The following RYR2 variants were observed in gnomAD, a reference collection of about 807,000 sequenced individuals.
RYR2 encodes the protein cardiac muscle ryanodine receptor-calcium release channel.
A neutral mutation model predicts 601.1 loss-of-function variants in RYR2; 227 were observed. That is an observed-to-expected ratio of 0.38 (90% CI 0.34 to 0.42). RYR2 has a LOEUF of 0.42. RYR2 is among the 10% of genes least tolerant of loss of function. The pLI is 1.00. For synonymous variants in RYR2, 2,223 were observed against 2,175.1 expected, an observed-to-expected ratio of 1.02 and a Z score of -0.61; for missense variants, 4,646 against 6,156.5, an observed-to-expected ratio of 0.75 and a Z score of 8.21.
chr1:237,660,675 T>C (rs1024968521), intron 55 of RYR2, 135 bp from the exon 56 acceptor site: 1 of 751,758 alleles, frequency 1.3e-6, no homozygotes, highest in Admixed American at 3.5e-5. Context: ...TTTACTTTCC[T>C]TTTTATATTT....
intron 59 of RYR2, 22 bp from the exon 60 acceptor site, chr1:237,674,709 A>G: frequency 6.9e-7 from 1 of 1,447,946 alleles, no homozygotes; most frequent in Non-Finnish European, 9.7e-7. Context: ...TTGCTTTCCC[A>G]TTTTCATTTT....
intron 1 of RYR2, among the ~76,000 whole-genome samples, chr1:237,228,842 CTTCCTTT>C (rs1684674593): frequency 6.6e-6 from 1 of 152,152 alleles, no homozygotes; most frequent in Admixed American, 6.6e-5. Context: ...GCCAAATTCT[CTTCCTTT>C]TCATGGTTTT....
chr1:237,618,513 T>A lies in RYR2; in HGVS notation c.5916+1027T>A, dbSNP rs182842791. Among the ~76,000 whole-genome samples, 91 of 152,262 alleles carry A rather than the reference T, an allele frequency of 6.0e-4. 1 individual carries two copies. In the East Asian group the frequency reaches 0.017, roughly 28 times the overall value. On this transcript the variant is annotated intron_variant, in intron 38 of 104. Coordinates refer to ENST00000366574, the MANE Select transcript of RYR2 (RefSeq NM_001035.3). ...GGTGGTGAGTTCCCTGGATTTTCTTTTTGCCTCATCTATCCCAGATTTGAA... is the reference window on the plus strand; with the variant it reads ...GGTGGTGAGTTCCCTGGATTTTCTTATTGCCTCATCTATCCCAGATTTGAA...
chr1:237,509,674 T>C (rs1466716983), intron 23 of RYR2, among the ~76,000 whole-genome samples: 1 of 152,254 alleles, frequency 6.6e-6, no homozygotes, highest in Non-Finnish European at 1.5e-5. Flanking sequence ...GTATTATGTT[T>C]GCCTTCTTGG....
At chr1:237,762,343 G>A (rs1016462437) in intron 84 of RYR2, among the ~76,000 whole-genome samples, 11 of 151,994 alleles carry the variant, frequency 7.2e-5, no homozygotes, top group Non-Finnish European at 2.9e-5. Flanking sequence ...CAGATCTCAG[G>A]GCCTATCACC....
chr1:237,667,858 C>T (rs185427950), intron 57 of RYR2, 25 bp from the exon 58 acceptor site: 532 of 1,509,604 alleles, frequency 3.5e-4, no homozygotes, highest in South Asian at 7.7e-4. Context: ...CTTATTGAAA[C>T]GATAAATATT....
At chr1:237,418,624 G>T (rs1341852358) in intron 11 of RYR2, among the ~76,000 whole-genome samples, 1 of 152,110 alleles carries the variant, frequency 6.6e-6, no homozygotes, top group African/African-American at 2.4e-5. Context: ...AAGTAATGCT[G>T]TGGTTTAATA....
intron 2 of RYR2, among the ~76,000 whole-genome samples, chr1:237,281,141 G>A (rs936475855): frequency 6.6e-6 from 1 of 152,128 alleles, no homozygotes; most frequent in Non-Finnish European, 1.5e-5. Flanking sequence ...GTAGAGTGGT[G>A]ACACAAAGGG....
chr1:237,222,250 T>C (rs1683876597), intron 1 of RYR2, among the ~76,000 whole-genome samples: 1 of 151,902 alleles, frequency 6.6e-6, no homozygotes, highest in Admixed American at 6.6e-5. Context: ...CCATCTCTAC[T>C]AAAATACAAA....
At chr1:237,666,881 G>C (rs905968881) in intron 57 of RYR2, among the ~76,000 whole-genome samples, 2 of 151,712 alleles carry the variant, frequency 1.3e-5, no homozygotes, top group African/African-American at 4.8e-5. Context: ...CTGCACTCCA[G>C]CCTGAGTGAC....
At chr1:237,438,428 GT>G (rs1707601395) in intron 12 of RYR2, among the ~76,000 whole-genome samples, 1 of 152,212 alleles carries the variant, frequency 6.6e-6, no homozygotes, top group Non-Finnish European at 1.5e-5. Flanking sequence ...TGAATTTCAA[GT>G]TTTTTTCTGA....
chr1:237,459,317 G>T (rs1398371827), intron 16 of RYR2, among the ~76,000 whole-genome samples: 1 of 152,140 alleles, frequency 6.6e-6, no homozygotes, highest in Admixed American at 6.5e-5. Context: ...GGATGCATTG[G>T]CTCATGTGTG....
At chr1:237,288,380 T>C (rs182280291) in intron 2 of RYR2, among the ~76,000 whole-genome samples, 85 of 152,092 alleles carry the variant, frequency 5.6e-4, no homozygotes, top group African/African-American at 1.8e-3. Context: ...GCTCCCAAGA[T>C]TATATGTCCT....
chr1:237,343,530 A>AT (rs897493257), intron 3 of RYR2, among the ~76,000 whole-genome samples: 156 of 150,458 alleles, frequency 1.0e-3, no homozygotes, highest in African/African-American at 3.0e-3. Context: ...TCAATAAGTG[A>AT]TTTTTTTTTT....
Position 237,500,801 on chromosome 1 carries a change from G to A in RYR2, c.2294G>A (p.Ser765Asn), listed in dbSNP as rs764934687. 6.2e-7 allele frequency: 1 copy of A among 1,613,968 alleles called. No homozygotes were observed. The highest frequency in any genetic ancestry group is 2.2e-5 in the East Asian group (1 of 44,888). The change falls in exon 21 of 105, where the codon AGC becomes AAC. Residue 765 changes from serine (S) to asparagine (N), a missense_variant. Coordinates refer to ENST00000366574, the MANE Select transcript of RYR2 (RefSeq NM_001035.3). ...TGCTGTTTAGATCTGAGTGCCCCAA[G>A]CATCTCGTTCCGAATTAATGGACAA... Reference protein sequence around the residue: ...ISCCLDLSAPSISFRINGQPV... With the variant: ...ISCCLDLSAPNISFRINGQPV...
rs1664080377 is a variant in RYR2, at chr1:237,833,746, C to T, written c.*1099C>T. The T allele has an allele frequency of 6.6e-6, 1 of 152,564 alleles. No individual in the cohort carries two copies. Among genetic ancestry groups the T allele is most frequent in the African/African-American group, 2.4e-5 (1 of 41,436 alleles). 9.5% of individuals were successfully genotyped at this position (152,564 alleles called of 1,614,324 possible). A position where few individuals can be genotyped will look rare whatever the true frequency, so the allele number is the denominator to read the frequency against. On this transcript the variant is annotated 3_prime_UTR_variant, in exon 105 of 105. Coordinates refer to ENST00000366574, the MANE Select transcript of RYR2 (RefSeq NM_001035.3). ...TTCTTGTCAGGCCATTTTTTAATAT[C>T]AAAGCTGAAGCAATATCCATTCAGG... is the stretch of plus-strand genomic sequence containing the variant.
intron 1 of RYR2, among the ~76,000 whole-genome samples, chr1:237,107,758 G>C (rs117007090): frequency 6.6e-6 from 1 of 152,028 alleles, no homozygotes; most frequent in African/African-American, 2.4e-5. Context: ...AGATGCTTTG[G>C]GGCATTCCCT....
intron 2 of RYR2, among the ~76,000 whole-genome samples, chr1:237,273,354 A>G (rs1689904162): frequency 2.0e-5 from 3 of 152,186 alleles, no homozygotes. Context: ...GTACATACAG[A>G]TGAAGCTTGC....
chr1:237,383,675 C>T (rs549756539), intron 8 of RYR2, among the ~76,000 whole-genome samples: 12 of 151,992 alleles, frequency 7.9e-5, no homozygotes, highest in South Asian at 2.1e-4. Flanking sequence ...GTGATCTGCC[C>T]GCCTTGGCCT....
Sources: allele counts gnomAD v4.1 joint callset (sites outside exome capture counted in the v4.1 genomes callset), GRCh38; gene constraint gnomAD v4.1.1; transcripts MANE v1.5; gene names NCBI Gene and HGNC (gene_info 2026-07-23, HGNC 2026-07-21).